CDH13: variants seen among roughly 807,000 people sequenced by gnomAD.
The protein encoded by CDH13 is cadherin-13.
CDH13 carries 24 observed loss-of-function variants against 63.8 expected under a neutral mutation model. The observed-to-expected ratio is 0.38, with a 90% CI of 0.27 to 0.53. The LOEUF (loss-of-function observed/expected upper bound fraction) is 0.53, where lower values mean the gene tolerates loss of function less well. CDH13 is among the 20% of genes least tolerant of loss of function. The pLI is 0.85. For missense variants in CDH13, 1,049 were observed against 903.1 expected (o/e 1.16, Z -2.07); for synonymous variants, 503 against 355.3 (o/e 1.42, Z -4.67).
chr16:83,795,538 G>A lies in CDH13; in HGVS notation c.*508G>A, dbSNP rs1281805748. On this transcript the variant is annotated 3_prime_UTR_variant, in exon 14 of 14. Coordinates refer to ENST00000567109, the MANE Select transcript of CDH13 (RefSeq NM_001257.5). The stretch of plus-strand genomic sequence containing the variant: ...ACCCTCCAGGGCCTCCCGCATCAAG[G>A]TCAGCATGAGGACAGACCACAGAGC... 6.5e-6 allele frequency: 1 copy of A among 154,842 alleles called. No individual in the cohort carries two copies. The highest frequency in any genetic ancestry group is 1.4e-5 in the Non-Finnish European group (1 of 69,848). 9.6% of individuals were successfully genotyped at this position (154,842 alleles called of 1,614,324 possible).
intron 6 of CDH13, among the ~76,000 whole-genome samples, chr16:83,447,417 A>C (rs1470826436): frequency 3.3e-5 from 5 of 152,068 alleles, no homozygotes; most frequent in South Asian, 2.1e-4. Flanking sequence ...CTCCATCCCA[A>C]AAAAACAAAG....
chr16:82,756,346 A>G (rs1294022466), intron 1 of CDH13, among the ~76,000 whole-genome samples: 1 of 152,158 alleles, frequency 6.6e-6, no homozygotes, highest in Non-Finnish European at 1.5e-5. Context: ...ATTAGTCTGG[A>G]CTGCTATAGT....
chr16:83,486,409 G>A lies in CDH13; in HGVS notation c.782-68G>A, dbSNP rs921430528. The A allele has an allele frequency of 2.1e-6, 3 of 1,404,354 alleles. No individual in the cohort carries two copies. In the East Asian group the frequency reaches 6.9e-5, roughly 32 times the overall value. 87.0% of individuals were successfully genotyped at this position (1,404,354 alleles called of 1,614,324 possible). Reference sequence around the variant, plus strand: ...CTGCTGCACTGCTATTGCCCAGGTGGGGAAGGGGCTCTGGCCGTTGTTGAC... The same window carrying A: ...CTGCTGCACTGCTATTGCCCAGGTGAGGAAGGGGCTCTGGCCGTTGTTGAC... On this transcript the variant is annotated intron_variant, in intron 6 of 13. Coordinates refer to ENST00000567109, the MANE Select transcript of CDH13 (RefSeq NM_001257.5).
intron 5 of CDH13, among the ~76,000 whole-genome samples, chr16:83,277,146 A>G (rs2089016923): frequency 6.6e-6 from 1 of 152,130 alleles, no homozygotes; most frequent in Non-Finnish European, 1.5e-5. Context: ...CTCAATAAAT[A>G]CTGGATAGGT....
intron 8 of CDH13, among the ~76,000 whole-genome samples, chr16:83,622,464 T>C (rs1241542536): frequency 2.0e-5 from 3 of 152,244 alleles, no homozygotes; most frequent in Admixed American, 2.0e-4. Context: ...AGCACCATTC[T>C]TGCAGCAGTA....
chr16:83,602,428 T>C, intron 7 of CDH13, 26 bp from the exon 8 acceptor site: 1 of 1,613,644 alleles, frequency 6.2e-7, no homozygotes, highest in Admixed American at 1.7e-5. Context: ...AATGTCATAT[T>C]ATTTCTTTGT....
intron 2 of CDH13, among the ~76,000 whole-genome samples, chr16:82,911,416 G>A (rs1426277862): frequency 1.2e-4 from 18 of 152,088 alleles, no homozygotes; most frequent in Admixed American, 1.2e-3. Flanking sequence ...AAGCCTCTTT[G>A]TCTTTCCCTG....
intron 10 of CDH13, among the ~76,000 whole-genome samples, chr16:83,715,583 G>T (rs17770052): frequency 6.6e-6 from 1 of 152,180 alleles, no homozygotes; most frequent in African/African-American, 2.4e-5. Flanking sequence ...CATTAGAGTT[G>T]AGTGCAAGCA....
intron 5 of CDH13, among the ~76,000 whole-genome samples, chr16:83,245,860 A>C (rs1033342198): frequency 1.3e-5 from 2 of 151,976 alleles, no homozygotes; most frequent in Non-Finnish European, 2.9e-5. Flanking sequence ...CTCCCACCTC[A>C]GTCTTCTGAG....
chr16:82,806,611 T>C (rs993109074), intron 1 of CDH13, among the ~76,000 whole-genome samples: 3 of 152,196 alleles, frequency 2.0e-5, no homozygotes, highest in African/African-American at 7.2e-5. Flanking sequence ...CTGCCCAAAC[T>C]TTCAGACTGC....
chr16:83,779,710 T>G (rs1253225893), intron 11 of CDH13, among the ~76,000 whole-genome samples: 1 of 151,972 alleles, frequency 6.6e-6, no homozygotes, highest in African/African-American at 2.4e-5. Context: ...AAAATAAAGT[T>G]AGCCAGGTGT....
intron 2 of CDH13, among the ~76,000 whole-genome samples, chr16:82,991,048 G>A (rs1033710157): frequency 6.6e-5 from 10 of 152,158 alleles, no homozygotes; most frequent in African/African-American, 2.2e-4. Context: ...GGAAGCAGTA[G>A]TAGCATCCCT....
At chr16:83,600,133 A>G (rs1907644003) in intron 7 of CDH13, among the ~76,000 whole-genome samples, 1 of 152,162 alleles carries the variant, frequency 6.6e-6, no homozygotes, top group Non-Finnish European at 1.5e-5. Context: ...GAATTCTTGA[A>G]CCAGGCAGAA....
chr16:83,236,299 T>G (rs1424173), intron 5 of CDH13, among the ~76,000 whole-genome samples: 1 of 152,058 alleles, frequency 6.6e-6, no homozygotes, highest in Non-Finnish European at 1.5e-5. Flanking sequence ...TTTAAGATAC[T>G]CTGCAAACTA....
chr16:83,275,188 A>G (rs1025849542), intron 5 of CDH13, among the ~76,000 whole-genome samples: 15 of 152,360 alleles, frequency 9.8e-5, no homozygotes, highest in African/African-American at 1.4e-4. Context: ...AGCATTTATG[A>G]TGTTCAAGGC....
chr16:83,260,102 A>G lies in CDH13; in HGVS notation c.636+42605A>G, dbSNP rs989957223. The stretch of plus-strand genomic sequence containing the variant: ...TTGTAACCATGTACCCCCAATACAC[A>G]CACACACACACACACACACACACAC... On this transcript the variant is annotated intron_variant, in intron 5 of 13. Coordinates refer to ENST00000567109, the MANE Select transcript of CDH13 (RefSeq NM_001257.5). Among the ~76,000 whole-genome samples, 19 of 81,646 alleles carry G rather than the reference A, an allele frequency of 2.3e-4. 1 individual carries two copies. Among genetic ancestry groups the G allele is most frequent in the African/African-American group, 9.7e-4 (18 of 18,538 alleles). The allele number at this position is 81,646 out of a possible 152,430, so 53.6% of individuals were successfully genotyped here.
At chr16:82,771,641 GT>G (rs2035270923) in intron 1 of CDH13, among the ~76,000 whole-genome samples, 8 of 152,308 alleles carry the variant, frequency 5.3e-5, no homozygotes, top group Admixed American at 4.6e-4. Flanking sequence ...TTGAGCTCAG[GT>G]CTGTCCAGCT....
intron 3 of CDH13, among the ~76,000 whole-genome samples, chr16:83,070,461 C>T (rs944624079): frequency 2.0e-5 from 3 of 152,048 alleles, no homozygotes; most frequent in Non-Finnish European, 4.4e-5. Flanking sequence ...ACAACTTGCA[C>T]GGAAATGAGT....
At chr16:82,971,668 C>T (rs545412984) in intron 2 of CDH13, among the ~76,000 whole-genome samples, 3 of 152,114 alleles carry the variant, frequency 2.0e-5, no homozygotes, top group Non-Finnish European at 4.4e-5. Flanking sequence ...CCAAATTCAA[C>T]CTTGAATTCA....
Sources: gnomAD v4.1 joint callset for allele counts (sites outside exome capture counted in the v4.1 genomes callset) on GRCh38, gnomAD v4.1.1 for gene constraint, MANE v1.5 for transcripts, NCBI Gene and HGNC (gene_info 2026-07-23, HGNC 2026-07-21) for gene names.